Variants in BLNK observed in about 807,000 individuals in gnomAD.
BLNK encodes B cell linker.
BLNK carries 29 observed loss-of-function variants against 73.5 expected under a neutral mutation model. The ratio of observed to expected loss-of-function variants is 0.39; its 90% confidence interval spans 0.29 to 0.54. BLNK has a LOEUF of 0.54. Ranked by LOEUF, BLNK falls within the 20% of genes least tolerant of loss-of-function variation. BLNK has a pLI of 0.61. For missense variants in BLNK, 460 were observed against 562.8 expected (o/e 0.82, Z 1.85); for synonymous variants, 176 against 200.8 (o/e 0.88, Z 1.04).
intron 1 of BLNK, among the ~76,000 whole-genome samples, chr10:96,268,233 C>T (rs933589490): frequency 1.3e-5 from 2 of 152,144 alleles, no homozygotes; most frequent in Non-Finnish European, 2.9e-5. Context: ...AAAAACTAAA[C>T]ATTTCATTTT....
At chr10:96,269,678 A>G (rs1389696361) in intron 1 of BLNK, among the ~76,000 whole-genome samples, 2 of 152,104 alleles carry the variant, frequency 1.3e-5, no homozygotes, top group Non-Finnish European at 2.9e-5. Context: ...GCTAACAGCT[A>G]ACAGCATAAC....
At position 96,189,728 on chromosome 10, in the gene BLNK, C is replaced by G; in HGVS notation, c.*2245G>C. The G allele has an allele frequency of 1.4e-6, 1 of 723,050 alleles. No individual in the cohort carries two copies. Among genetic ancestry groups the G allele is most frequent in the South Asian group, 1.4e-5 (1 of 71,744 alleles). The allele number at this position is 723,050 out of a possible 1,614,324, so 44.8% of individuals were successfully genotyped here. On this transcript the variant is annotated 3_prime_UTR_variant, in exon 17 of 17. Transcript: ENST00000224337. Reference sequence around the variant, plus strand: ...TCATCATCATCATCATCATCATCATCATCATCTTCATCAGCAGCAAGTTTT... The same window carrying G: ...TCATCATCATCATCATCATCATCATGATCATCTTCATCAGCAGCAAGTTTT...
intron 1 of BLNK, among the ~76,000 whole-genome samples, chr10:96,255,448 C>A (rs1288665277): frequency 6.6e-6 from 1 of 151,148 alleles, no homozygotes; most frequent in East Asian, 1.9e-4. Context: ...CCTTGTAGCT[C>A]TTTAGTGCTG....
chr10:96,199,947 T>C lies in BLNK; in HGVS notation c.1095+128A>G, dbSNP rs1411356729. The C allele has an allele frequency of 9.5e-6, 5 of 524,108 alleles. No homozygotes were observed. In the African/African-American group the frequency reaches 1.0e-4, roughly 11 times the overall value. The allele number at this position is 524,108 out of a possible 1,614,324, so 32.5% of individuals were successfully genotyped here. On this transcript the variant is annotated intron_variant, in intron 15 of 16. Transcript: ENST00000224337. ...GCTGAGGCATGAGAATCACTTGAAC[T>C]TGGGAGGCAGGCAGAGGTTGCAGTG...
chr10:96,211,375 A>T (rs2083944616), intron 8 of BLNK, among the ~76,000 whole-genome samples: 1 of 152,232 alleles, frequency 6.6e-6, no homozygotes, highest in Non-Finnish European at 1.5e-5. Flanking sequence ...AAGCAGACAT[A>T]GGCCTCTGCC....
Position 96,200,025 on chromosome 10 carries a change from T to TAAATA in BLNK, c.1095+45_1095+49dup, listed in dbSNP as rs782403220. On this transcript the variant is annotated intron_variant, in intron 15 of 16. Coordinates refer to ENST00000224337, the MANE Select transcript of BLNK (RefSeq NM_013314.4). The surrounding 1 kb of genome is among the most constrained non-coding windows in gnomAD (Gnocchi z 4.3). The stretch of plus-strand genomic sequence containing the variant: ...TGAAACTGCATCATCTCAAAACAAA[T>TAAATA]AAATAAAATAAAATAAAATAAAAAT... 160 of 1,258,648 alleles carry TAAATA rather than the reference T, an allele frequency of 1.3e-4. No homozygotes were observed. In the East Asian group the frequency reaches 3.0e-3, roughly 24 times the overall value. 78.0% of individuals were successfully genotyped at this position (1,258,648 alleles called of 1,614,324 possible). A position where few individuals can be genotyped will look rare whatever the true frequency, so the allele number is the denominator to read the frequency against.
chr10:96,263,720 A>T (rs2134143574), intron 1 of BLNK, among the ~76,000 whole-genome samples: 1 of 152,192 alleles, frequency 6.6e-6, no homozygotes, highest in South Asian at 2.1e-4. Context: ...CACAGGGAGG[A>T]AGGAGGTGAA....
chr10:96,244,498 A>T (rs1399624889), intron 2 of BLNK, among the ~76,000 whole-genome samples: 4 of 152,090 alleles, frequency 2.6e-5, no homozygotes, highest in Non-Finnish European at 5.9e-5. Flanking sequence ...AACCCCCAAC[A>T]CTTCATGCTC....
chr10:96,218,762 A>G (rs17232052), intron 6 of BLNK, among the ~76,000 whole-genome samples: 2,269 of 151,156 alleles, frequency 0.015, 30 homozygotes, highest in African/African-American at 0.029. Flanking sequence ...TATCCACCAC[A>G]TTCTAGTACC....
At chr10:96,205,966 G>A (rs1178991967) in intron 11 of BLNK, among the ~76,000 whole-genome samples, 1 of 152,194 alleles carries the variant, frequency 6.6e-6, no homozygotes, top group Non-Finnish European at 1.5e-5. Context: ...AGGTCTGAGA[G>A]GCTGCAAGGA....
intron 13 of BLNK, among the ~76,000 whole-genome samples, chr10:96,201,738 GCATT>G (rs59428057): frequency 0.016 from 2,221 of 138,692 alleles, 41 homozygotes; most frequent in African/African-American, 0.054. Context: ...AGACTTATCT[GCATT>G]CATTCATTCA....
At chr10:96,244,015 T>C (rs1554906966) in intron 2 of BLNK, among the ~76,000 whole-genome samples, 1 of 152,200 alleles carries the variant, frequency 6.6e-6, no homozygotes. Context: ...TAGAAATTTG[T>C]GTTTGATTAA....
chr10:96,203,780 TG>T (rs2083719114), intron 13 of BLNK: 1 of 193,488 alleles, frequency 5.2e-6, no homozygotes, highest in Non-Finnish European at 9.5e-6. Flanking sequence ...GTATTGTTTT[TG>T]TAAAAAAAAA....
intron 16 of BLNK, among the ~76,000 whole-genome samples, chr10:96,192,457 G>T (rs2083352766): frequency 6.6e-6 from 1 of 152,024 alleles, no homozygotes; most frequent in Admixed American, 6.6e-5. Flanking sequence ...CTCTTACTTT[G>T]CACAAGTCTC....
intron 6 of BLNK, among the ~76,000 whole-genome samples, chr10:96,219,001 C>T (rs1483983555): frequency 1.3e-5 from 2 of 152,184 alleles, no homozygotes; most frequent in African/African-American, 2.4e-5. Flanking sequence ...GATGTATGAC[C>T]TGTGGGGGAG....
At chr10:96,265,534 T>C (rs1589350754) in intron 1 of BLNK, among the ~76,000 whole-genome samples, 1 of 152,310 alleles carries the variant, frequency 6.6e-6, no homozygotes, top group East Asian at 1.9e-4. Flanking sequence ...GATCTAGTTT[T>C]GTTTGACACA....
At chr10:96,243,683 A>G (rs1179892402) in intron 2 of BLNK, among the ~76,000 whole-genome samples, 1 of 152,234 alleles carries the variant, frequency 6.6e-6, no homozygotes. Flanking sequence ...TAGTACCTTT[A>G]TGCACATATG....
chr10:96,217,133 A>G (rs1186580725), intron 6 of BLNK, among the ~76,000 whole-genome samples: 2 of 152,222 alleles, frequency 1.3e-5, no homozygotes, highest in Admixed American at 1.3e-4. Flanking sequence ...CCTGTGGTAT[A>G]GTATGTATCA....
intron 1 of BLNK, among the ~76,000 whole-genome samples, chr10:96,256,899 A>AAT (rs1843540321): frequency 6.7e-6 from 1 of 149,282 alleles, no homozygotes; most frequent in Non-Finnish European, 1.5e-5. Context: ...AAAAAAAAAA[A>AAT]GCAGCAGAAG....
Sources: gnomAD v4.1 joint callset for allele counts (sites outside exome capture counted in the v4.1 genomes callset) on GRCh38, gnomAD v4.1.1 for gene constraint, Gnocchi (gnomAD v3.1) non-coding constraint, MANE v1.5 for transcripts, NCBI Gene and HGNC (gene_info 2026-07-23, HGNC 2026-07-21) for gene names.